Variants in KIF13B observed in about 807,000 individuals in gnomAD.
The protein encoded by KIF13B is kinesin-like protein KIF13B.
In KIF13B, 127 loss-of-function variants were observed where a neutral mutation model predicts 222.0. The observed-to-expected ratio is 0.57, with a 90% CI of 0.50 to 0.66. KIF13B has a LOEUF of 0.66. KIF13B is among the 30% of genes least tolerant of loss of function. The pLI is 0.00. For synonymous variants in KIF13B, 976 were observed against 919.0 expected (o/e 1.06, Z -1.12); for missense variants, 2,173 against 2,379.0 (o/e 0.91, Z 1.80).
At position 29,190,780 on chromosome 8, in the gene KIF13B, G is replaced by C. The variant is rs563731707; in HGVS notation, c.223+217C>G. On this transcript the variant is annotated intron_variant, in intron 4 of 39. Transcript: ENST00000524189. Reference sequence around the variant, plus strand: ...GGTAGAGAGCATCGGAACTGAGTTAGAGGACACCCAGCCAGTGTCTGCCGC... The same window carrying C: ...GGTAGAGAGCATCGGAACTGAGTTACAGGACACCCAGCCAGTGTCTGCCGC... The C allele has an allele frequency of 7.0e-6, 4 of 568,194 alleles. No individual in the cohort carries two copies. In the South Asian group the frequency reaches 7.6e-5, roughly 11 times the overall value. 35.2% of individuals were successfully genotyped at this position (568,194 alleles called of 1,614,324 possible).
chr8:29,212,649 CTCCT>C (rs1247202035), intron 2 of KIF13B, among the ~76,000 whole-genome samples: 1 of 151,962 alleles, frequency 6.6e-6, no homozygotes, highest in Non-Finnish European at 1.5e-5. Context: ...CACATTCAAG[CTCCT>C]TCATAGTCTT....
chr8:29,241,879 A>T (rs1442228311), intron 2 of KIF13B, among the ~76,000 whole-genome samples: 1 of 152,142 alleles, frequency 6.6e-6, no homozygotes, highest in African/African-American at 2.4e-5. Context: ...ATATGAGGCA[A>T]AAAAGAAAAA....
chr8:29,099,210 T>TGGA lies in KIF13B; in HGVS notation c.4246_4247insTCC (p.Ser1415_Gln1416insLeu). 1 of 1,613,690 alleles carries TGGA rather than the reference T, an allele frequency of 6.2e-7. No individual in the cohort carries two copies. The highest frequency in any genetic ancestry group is 8.5e-7 in the Non-Finnish European group (1 of 1,179,750). On this transcript the variant is annotated inframe_insertion, in exon 36 of 40. Transcript: ENST00000524189. ...AGCTATTCCTCTGGAAACTGTGGTT[T>TGGA]GGGATACATCCTGCTGACTTTCCCA...
At chr8:29,262,949 C>G (rs772412631) in intron 1 of KIF13B, 31 bp downstream of exon 1, 1 of 1,543,458 alleles carries the variant, frequency 6.5e-7, no homozygotes, top group Non-Finnish European at 8.7e-7. Flanking sequence ...GCCGCCTCCG[C>G]CCCGGCGGCC....
rs1028287706 is a variant in KIF13B, at chr8:29,110,193, G to A, written c.3931-123C>T. 12 of 796,482 alleles carry A rather than the reference G, an allele frequency of 1.5e-5. No individual in the cohort carries two copies. In the East Asian group the frequency reaches 1.6e-4, roughly 11 times the overall value. 49.3% of individuals were successfully genotyped at this position (796,482 alleles called of 1,614,324 possible). On this transcript the variant is annotated intron_variant, in intron 32 of 39. Coordinates refer to ENST00000524189, the MANE Select transcript of KIF13B (RefSeq NM_015254.4). ...TCCATTTTAAAGTCAGCTTTGGAACGCCAAAGCATTTTTCCAAGGAAATAA... is the reference window on the plus strand; with the variant it reads ...TCCATTTTAAAGTCAGCTTTGGAACACCAAAGCATTTTTCCAAGGAAATAA...
intron 12 of KIF13B, among the ~76,000 whole-genome samples, chr8:29,164,318 A>G (rs1280672523): frequency 6.6e-6 from 1 of 152,220 alleles, no homozygotes; most frequent in Admixed American, 6.5e-5. Flanking sequence ...CAAGTTCTAT[A>G]TATTCTCTAA....
intron 24 of KIF13B, among the ~76,000 whole-genome samples, chr8:29,130,197 C>T (rs1810284115): frequency 1.3e-5 from 2 of 152,236 alleles, no homozygotes; most frequent in Middle Eastern, 3.4e-3. Flanking sequence ...ACTAACAGAA[C>T]TGGTTTTTAA....
intron 29 of KIF13B, among the ~76,000 whole-genome samples, chr8:29,119,226 G>A (rs1017836875): frequency 1.3e-5 from 2 of 152,144 alleles, no homozygotes; most frequent in African/African-American, 2.4e-5. Context: ...TTATTTTATA[G>A]GGAAGGCAAA....
rs368459603 is a variant in KIF13B, at chr8:29,070,475, C to A, written c.*29G>T. 2 of 1,605,422 alleles carry A rather than the reference C, an allele frequency of 1.2e-6. No individual in the cohort carries two copies. Among genetic ancestry groups the A allele is most frequent in the Non-Finnish European group, 1.7e-6 (2 of 1,176,518 alleles). Reference sequence around the variant, plus strand: ...CAGGGCTCAAAAGGGGCCGGGCACCCCCAGAAAAGTTCGCCCTAAGGCAGC... The same window carrying A: ...CAGGGCTCAAAAGGGGCCGGGCACCACCAGAAAAGTTCGCCCTAAGGCAGC... On this transcript the variant is annotated 3_prime_UTR_variant, in exon 40 of 40. Transcript: ENST00000524189. The surrounding 1 kb of genome is among the most constrained non-coding windows in gnomAD (Gnocchi z 4.1).
At chr8:29,153,616 T>C (rs1161912347) in intron 14 of KIF13B, among the ~76,000 whole-genome samples, 1 of 151,264 alleles carries the variant, frequency 6.6e-6, no homozygotes, top group Non-Finnish European at 1.5e-5. Flanking sequence ...GGATATCAAG[T>C]ACAATTTTTT....
At chr8:29,136,579 G>T (rs867599596) in intron 21 of KIF13B, among the ~76,000 whole-genome samples, 19 of 151,318 alleles carry the variant, frequency 1.3e-4, no homozygotes, top group Admixed American at 3.3e-4. Context: ...GCGAAACTCC[G>T]CTCAAAAATT....
chr8:29,173,304 T>C (rs138676882), intron 10 of KIF13B, among the ~76,000 whole-genome samples: 2 of 152,058 alleles, frequency 1.3e-5, no homozygotes, highest in Non-Finnish European at 1.5e-5. Context: ...TATGGAAAGT[T>C]TGAAGAAGAA....
At chr8:29,105,650 GTTTTTTTTTTTTTT>G (rs869030059) in intron 35 of KIF13B, among the ~76,000 whole-genome samples, 1 of 78,058 alleles carries the variant, frequency 1.3e-5, no homozygotes, top group Non-Finnish European at 2.2e-5. Context: ...AGTTTGTTTG[GTTTTTTTTTTTTTT>G]TTTTTTTTTT....
chr8:29,195,745 G>A (rs996834861), intron 3 of KIF13B, among the ~76,000 whole-genome samples: 1 of 152,210 alleles, frequency 6.6e-6, no homozygotes, highest in African/African-American at 2.4e-5. Context: ...CAGCTGTCTC[G>A]GGAGTGGGGA....
chr8:29,127,980 T>C (rs1471979077), intron 24 of KIF13B, among the ~76,000 whole-genome samples: 1 of 151,668 alleles, frequency 6.6e-6, no homozygotes, highest in African/African-American at 2.4e-5. Context: ...TAGAAAAACA[T>C]ATGACATGTT....
intron 2 of KIF13B, among the ~76,000 whole-genome samples, chr8:29,222,431 C>T (rs1390584558): frequency 6.7e-6 from 1 of 148,884 alleles, no homozygotes; most frequent in Non-Finnish European, 1.5e-5. Flanking sequence ...AAATGGGTCT[C>T]AATCTGTCGC....
At chr8:29,131,133 CA>C (rs1275928562) in intron 23 of KIF13B, among the ~76,000 whole-genome samples, 4 of 152,150 alleles carry the variant, frequency 2.6e-5, no homozygotes, top group Non-Finnish European at 5.9e-5. Context: ...TATTCACAGA[CA>C]AAAAGATAGC....
chr8:29,148,790 T>C (rs1331581387), intron 15 of KIF13B, 23 bp from the exon 16 acceptor site: 1 of 1,560,560 alleles, frequency 6.4e-7, no homozygotes, highest in Non-Finnish European at 8.7e-7. Context: ...AAGAGTATTA[T>C]TTTCTGAAGT....
intron 29 of KIF13B, among the ~76,000 whole-genome samples, chr8:29,121,713 A>C (rs1272079355): frequency 2.0e-5 from 3 of 149,486 alleles, no homozygotes; most frequent in African/African-American, 7.4e-5. Context: ...AATGGGATCT[A>C]ATTAAACTAA....
Sources: allele counts gnomAD v4.1 joint callset (sites outside exome capture counted in the v4.1 genomes callset), GRCh38; gene constraint gnomAD v4.1.1; non-coding constraint Gnocchi (gnomAD v3.1); transcripts MANE v1.5; gene names NCBI Gene and HGNC (gene_info 2026-07-23, HGNC 2026-07-21).